C12orf76: variants seen among roughly 807,000 people sequenced by gnomAD.
C12orf76 encodes the protein uncharacterized protein C12orf76.
C12orf76 carries 6 observed loss-of-function variants against 6.8 expected under a neutral mutation model. The ratio of observed to expected loss-of-function variants is 0.88; its 90% CI spans 0.48 to 1.73. The LOEUF (loss-of-function observed/expected upper bound fraction) is 1.73. C12orf76 is among the 40% of genes most tolerant of loss of function. The probability of loss-of-function intolerance (pLI) is 0.01; values close to 1 mark genes in which losing one functional copy is unlikely to be tolerated. For synonymous variants in C12orf76, 56 were observed against 43.7 expected, an observed-to-expected ratio of 1.28 and a Z score of -1.11; for missense variants, 99 against 98.2, an observed-to-expected ratio of 1.01 and a Z score of -0.03.
chr12:110,048,488 C>G lies in C12orf76; in HGVS notation c.8G>C (p.Arg3Pro). The change falls in exon 1 of 2, where the codon CGT (arginine) becomes CCT (proline). Residue 3 changes from arginine to proline, a missense_variant. By Grantham distance (103) the Arg-to-Pro change is moderately radical. Transcript: ENST00000615315. Reference sequence around the variant, plus strand: ...AAGGTACAGCCACGGTAACGCTGGACGCAGCATCTTCCCCAGCCCTGCAGA... The same window carrying G: ...AAGGTACAGCCACGGTAACGCTGGAGGCAGCATCTTCCCCAGCCCTGCAGA... MLRPALPWLYLGL... is the reference protein window; with the variant it reads MLPPALPWLYLGL... The G allele has an allele frequency of 6.9e-7, 1 of 1,445,666 alleles. No individual in the cohort carries two copies. The highest frequency in any genetic ancestry group is 1.3e-5 in the South Asian group (1 of 75,052). The allele number at this position is 1,445,666 out of a possible 1,614,324, so 89.6% of individuals were successfully genotyped here.
rs758300256 is a variant in C12orf76 at position 110,042,153 on chromosome 12, A to G, written c.*221T>C. On this transcript the variant is annotated 3_prime_UTR_variant, in exon 2 of 2. Transcript: ENST00000615315. Reference sequence around the variant, plus strand: ...TCTTACTTTTAACAAGTACAGTCAGAAACACTGAGAAGCGGACTCAGGGGC... The same window carrying G: ...TCTTACTTTTAACAAGTACAGTCAGGAACACTGAGAAGCGGACTCAGGGGC... 23 of 575,434 alleles carry G rather than the reference A, an allele frequency of 4.0e-5. No individual in the cohort carries two copies. Among genetic ancestry groups the G allele is most frequent in the Non-Finnish European group, 5.9e-5 (19 of 320,854 alleles). The allele number at this position is 575,434 out of a possible 1,614,324, so 35.6% of individuals were successfully genotyped here.
chr12:110,068,316 GAAGAA>G (rs1892915030), upstream of C12orf76, among the ~76,000 whole-genome samples: 1 of 144,556 alleles, frequency 6.9e-6, no homozygotes, highest in African/African-American at 2.5e-5. Context: ...AGAAGAAGAA[GAAGAA>G]GAAGAAGAAG....
chr12:110,048,551 T>C, upstream of C12orf76: 1 of 1,368,274 alleles, frequency 7.3e-7, no homozygotes, highest in Middle Eastern at 2.4e-4. Flanking sequence ...CCTGCCTCTG[T>C]CTCCTCCCAG....
intron 1 of C12orf76, among the ~76,000 whole-genome samples, chr12:110,072,934 G>A (rs1417953604): frequency 6.8e-6 from 1 of 148,028 alleles, no homozygotes; most frequent in Admixed American, 6.8e-5. Context: ...GGGTACAAGA[G>A]CGAGACTTCA....
At chr12:110,063,936 A>AAACG in intron 2 of C12orf76, among the ~76,000 whole-genome samples, 1 of 152,244 alleles carries the variant, frequency 6.6e-6, no homozygotes, top group African/African-American at 2.4e-5. Context: ...ACAAACAAAC[A>AAACG]AACAAACCAA....
chr12:110,068,257 AAGAAGAAGAAGAAGAAG>A (rs1304160615), upstream of C12orf76, among the ~76,000 whole-genome samples: 32 of 64,436 alleles, frequency 5.0e-4, no homozygotes, highest in African/African-American at 1.8e-3. Context: ...AAAGAAGAAG[AAGAAGAAGAAGAAGAAG>A]AAGAAGAAGA....
intron 2 of C12orf76, chr12:110,065,735 A>C (rs768352115): frequency 1.2e-4 from 192 of 1,547,312 alleles, no homozygotes; most frequent in Non-Finnish European, 1.6e-4. Flanking sequence ...AGCTTCTAGA[A>C]ACATGAGTCA....
At chr12:110,045,899 C>T in intron 1 of C12orf76, 1 of 192,022 alleles carries the variant, frequency 5.2e-6, no homozygotes, top group Non-Finnish European at 1.2e-5. Context: ...GTGGAGGTTG[C>T]AGTGAACCAA....
upstream of C12orf76, among the ~76,000 whole-genome samples, chr12:110,068,415 A>T (rs1032594447): frequency 6.6e-6 from 1 of 152,190 alleles, no homozygotes; most frequent in Non-Finnish European, 1.5e-5. Context: ...ATCTTCATCC[A>T]TGTCCAAGGA....
At chr12:110,065,005 T>A (rs1009341960) in intron 2 of C12orf76, among the ~76,000 whole-genome samples, 1 of 152,182 alleles carries the variant, frequency 6.6e-6, no homozygotes, top group Non-Finnish European at 1.5e-5. Context: ...GATAATGTGC[T>A]TTCAGCTATT....
In C12orf76 at chr12:110,048,479, A is replaced by G; in HGVS notation, c.17T>C (p.Leu6Ser). 6.9e-7 allele frequency: 1 copy of G among 1,456,710 alleles called. No individual in the cohort carries two copies. Among genetic ancestry groups the G allele is most frequent in the Non-Finnish European group, 9.0e-7 (1 of 1,106,162 alleles). 90.2% of individuals were successfully genotyped at this position (1,456,710 alleles called of 1,614,324 possible). A position where few individuals can be genotyped will look rare whatever the true frequency, so the allele number is the denominator to read the frequency against. The change falls in exon 1 of 2, where the codon TTA (leucine) becomes TCA (serine). Residue 6 changes from leucine (L) to serine (S), a missense_variant. Leu to Ser is a moderately radical substitution (Grantham distance 145, BLOSUM62 -2). Coordinates refer to ENST00000615315, the MANE Select transcript of C12orf76 (RefSeq NM_001389625.1). MLRPA[L>S]PWLYLGLCSL... ...GCAGAGGCCAAGGTACAGCCACGGT[A>G]ACGCTGGACGCAGCATCTTCCCCAG...
chr12:110,069,084 T>C (rs766296776), upstream of C12orf76, among the ~76,000 whole-genome samples: 11 of 152,224 alleles, frequency 7.2e-5, no homozygotes, highest in African/African-American at 1.7e-4. Flanking sequence ...TATTTTAAAA[T>C]ATAAACTGTG....
At chr12:110,053,435 G>T (rs1275600648), upstream of C12orf76, among the ~76,000 whole-genome samples, 5 of 152,132 alleles carry the variant, frequency 3.3e-5, no homozygotes, top group African/African-American at 9.7e-5. Context: ...GGAGGCAAAG[G>T]TTGCAGTGAA....
intron 3 of C12orf76, among the ~76,000 whole-genome samples, chr12:110,057,932 TG>T (rs1253597916): frequency 6.6e-6 from 1 of 151,370 alleles, no homozygotes; most frequent in African/African-American, 2.4e-5. Flanking sequence ...GGCACAGTGG[TG>T]GGCGCCTATA....
intron 2 of C12orf76, among the ~76,000 whole-genome samples, chr12:110,065,050 G>C (rs538915382): frequency 2.2e-4 from 34 of 152,194 alleles, no homozygotes; most frequent in Non-Finnish European, 4.4e-5. Context: ...ACAAAGGGAT[G>C]AAGATAGATG....
intron 3 of C12orf76, among the ~76,000 whole-genome samples, chr12:110,058,123 T>G (rs1254124159): frequency 6.7e-6 from 1 of 149,594 alleles, no homozygotes; most frequent in African/African-American, 2.5e-5. Flanking sequence ...CAGGCAATCA[T>G]TGTTGAAACT....
chr12:110,070,237 C>CA (rs777312169), upstream of C12orf76, among the ~76,000 whole-genome samples: 5,266 of 103,758 alleles, frequency 0.051, 109 homozygotes, highest in Middle Eastern at 0.14. Context: ...GACCCCATTT[C>CA]AAAAAAAAAA....
chr12:110,070,899 C>T (rs1387726100), upstream of C12orf76, among the ~76,000 whole-genome samples: 5 of 152,060 alleles, frequency 3.3e-5, no homozygotes, highest in Admixed American at 6.6e-5. Context: ...CTCAGCTTAC[C>T]GAGTAGCTGG....
upstream of C12orf76, chr12:110,051,083 C>A: frequency 1.3e-6 from 1 of 780,666 alleles, no homozygotes; most frequent in Non-Finnish European, 2.4e-6. Flanking sequence ...TCTTTCACTT[C>A]TGCTGTCCTT....
Sources: allele counts gnomAD v4.1 joint callset (sites outside exome capture counted in the v4.1 genomes callset), GRCh38; gene constraint gnomAD v4.1.1; transcripts MANE v1.5; gene names NCBI Gene and HGNC (gene_info 2026-07-23, HGNC 2026-07-21).